The following DST variants were observed in gnomAD, a reference collection of about 807,000 sequenced individuals.
The protein encoded by DST is bullous pemphigoid antigen.
DST carries 253 observed loss-of-function variants against 875.2 expected under a neutral mutation model. The observed-to-expected ratio is 0.29, with a 90% CI of 0.26 to 0.32. DST has a LOEUF of 0.32. Ranked by LOEUF, DST falls within the 10% of genes least tolerant of loss-of-function variation. The pLI is 1.00. For missense variants in DST, 8,287 were observed against 9,111.6 expected (o/e 0.91, Z 3.68); for synonymous variants, 3,124 against 3,197.1 (o/e 0.98, Z 0.77).
At position 56,843,705 on chromosome 6, in the gene DST, AGGAGGGT is replaced by A. The variant is rs1321558478; in HGVS notation, c.625+7685_625+7691del. Reference sequence around the variant, plus strand: ...GCCCGCGCCGGGGAGAGAGGGAGGGAGGAGGGTGGAGGGTGGAGGGTGGAGAGTGGAG... The same window carrying A: ...GCCCGCGCCGGGGAGAGAGGGAGGGAGGAGGGTGGAGGGTGGAGAGTGGAG... On this transcript the variant is annotated intron_variant, in intron 4 of 103. Transcript: ENST00000680361. 2.0e-4 allele frequency: 112 copies of A among 549,936 alleles called. 4 individuals carry two copies. In the East Asian group the frequency reaches 3.2e-3, roughly 16 times the overall value. 34.1% of individuals were successfully genotyped at this position (549,936 alleles called of 1,614,324 possible). A position where few individuals can be genotyped will look rare whatever the true frequency, so the allele number is the denominator to read the frequency against.
At chr6:56,700,308 C>T (rs2152875153) in intron 8 of DST, among the ~76,000 whole-genome samples, 1 of 152,298 alleles carries the variant, frequency 6.6e-6, no homozygotes, top group East Asian at 1.9e-4. Flanking sequence ...TTGGGGACTG[C>T]TGTTCTAGAG....
intron 4 of DST, among the ~76,000 whole-genome samples, chr6:56,829,164 C>G (rs1399573256): frequency 6.6e-6 from 1 of 152,186 alleles, no homozygotes; most frequent in African/African-American, 2.4e-5. Context: ...AACATTTAGG[C>G]CTTTCCTGAA....
intron 5 of DST, among the ~76,000 whole-genome samples, chr6:56,732,321 G>C (rs1253524502): frequency 6.6e-6 from 1 of 151,972 alleles, no homozygotes; most frequent in Non-Finnish European, 1.5e-5. Context: ...ATATCCCCCA[G>C]TTATGGCTTT....
At chr6:56,944,295 T>C (rs974901229) in intron 2 of DST, among the ~76,000 whole-genome samples, 2 of 152,144 alleles carry the variant, frequency 1.3e-5, no homozygotes, top group East Asian at 1.9e-4. Context: ...AGCTTCACTA[T>C]GTGTCAGATT....
chr6:56,614,423 A>G lies in DST; in HGVS notation c.4991T>C (p.Val1664Ala), dbSNP rs1186030535. ...VEKAKELQKW[V>A]SNISKTLKDA... ...TTTCAATGTCTTGCTGATATTTGAT[A>G]CCCATTTTTGCAATTCTTTGGCTTT... The change falls in exon 37 of 104, where the codon GTA (valine) becomes GCA (alanine). Residue 1664 changes from valine to alanine, a missense_variant. Physicochemically the swap from Val to Ala is moderately conservative, Grantham distance 64. Coordinates refer to ENST00000680361, the MANE Select transcript of DST (RefSeq NM_001374736.1). 1.2e-6 allele frequency: 2 copies of G among 1,610,856 alleles called. No individual in the cohort carries two copies. The highest frequency in any genetic ancestry group is 2.7e-5 in the African/African-American group (2 of 74,758).
rs1489696206 is a variant in DST, at chr6:56,498,062, A to AT, written c.19897-10dup. 6.2e-7 allele frequency: 1 copy of AT among 1,608,890 alleles called. No homozygotes were observed. Among genetic ancestry groups the AT allele is most frequent in the East Asian group, 2.2e-5 (1 of 44,830 alleles). On this transcript the variant is annotated splice_polypyrimidine_tract_variant and intron_variant, in intron 80 of 103. Coordinates refer to ENST00000680361, the MANE Select transcript of DST (RefSeq NM_001374736.1). ...ACATCATTTTGGAGCACCTGAAAAT[A>AT]TAAAGATAACACCATGTTTGCTAGT...
intron 5 of DST, among the ~76,000 whole-genome samples, chr6:56,724,969 T>TAC (rs113129301): frequency 0.035 from 5,319 of 151,428 alleles, 258 homozygotes; most frequent in African/African-American, 0.11. Flanking sequence ...CAGGCTGTTT[T>TAC]ACACACACAC....
chr6:56,550,034 ATAAAT>A (rs2097294677), intron 61 of DST, among the ~76,000 whole-genome samples: 1 of 152,192 alleles, frequency 6.6e-6, no homozygotes, highest in African/African-American at 2.4e-5. Context: ...AGGATTAAAG[ATAAAT>A]TAAAATAGTG....
chr6:56,558,291 G>C (rs1313554406), intron 58 of DST, among the ~76,000 whole-genome samples: 1 of 151,992 alleles, frequency 6.6e-6, no homozygotes, highest in Non-Finnish European at 1.5e-5. Flanking sequence ...TATTTTTAGA[G>C]TGCATGTGAT....
At chr6:56,901,079 C>T (rs917235184) in intron 2 of DST, among the ~76,000 whole-genome samples, 2 of 152,076 alleles carry the variant, frequency 1.3e-5, no homozygotes, top group African/African-American at 4.8e-5. Flanking sequence ...GAATGCCAAT[C>T]ATCACTGCAA....
intron 13 of DST, 109 bp downstream of exon 13, chr6:56,648,461 C>A: frequency 7.1e-6 from 8 of 1,119,514 alleles, no homozygotes; most frequent in Non-Finnish European, 6.1e-6. Context: ...TTATTAATGG[C>A]TTTCCAAGGG....
chr6:56,604,930 T>G lies in DST; in HGVS notation c.9698A>C (p.Gln3233Pro), dbSNP rs775060729. ...CATGTCATTAAGAGGTGAGTCTTTT[T>G]GGGTACTAGTGGACTTCTCTTTTGT... is the stretch of plus-strand genomic sequence containing the variant. ...NNTKEKSTSTQKDSPLNDMIQ... is the reference protein window; with the variant it reads ...NNTKEKSTSTPKDSPLNDMIQ... The change falls in exon 40 of 104, where the codon CAA becomes CCA. Residue 3233 changes from glutamine (Q) to proline (P), a missense_variant. Gln to Pro is a moderately conservative substitution (Grantham distance 76, BLOSUM62 -1). This residue lies in a region of DST where 3,138 missense variants were observed against 3,116.6 expected (regional missense o/e 1.01). Coordinates refer to ENST00000680361, the MANE Select transcript of DST (RefSeq NM_001374736.1). The G allele has an allele frequency of 3.7e-6, 6 of 1,612,752 alleles. No individual in the cohort carries two copies. The highest frequency in any genetic ancestry group is 4.5e-5 in the East Asian group (2 of 44,860).
chr6:56,734,641 A>G (rs1305551880), intron 5 of DST, among the ~76,000 whole-genome samples: 6 of 152,200 alleles, frequency 3.9e-5, no homozygotes, highest in Admixed American at 2.0e-4. Flanking sequence ...TTTTGTGTTT[A>G]TCTATTTTCT....
At chr6:56,684,224 T>G (rs1311611782) in intron 9 of DST, among the ~76,000 whole-genome samples, 1 of 152,230 alleles carries the variant, frequency 6.6e-6, no homozygotes, top group African/African-American at 2.4e-5. Flanking sequence ...AAAGTTGACT[T>G]AGATATTCCC....
intron 10 of DST, among the ~76,000 whole-genome samples, chr6:56,663,798 T>G (rs566972768): frequency 3.9e-5 from 6 of 152,118 alleles, no homozygotes; most frequent in Non-Finnish European, 8.8e-5. Context: ...AACTACATAC[T>G]CAGACAAGTG....
At chr6:56,657,746 T>TAGATGCAATTAGATTA (rs1450725217) in intron 10 of DST, among the ~76,000 whole-genome samples, 19 of 152,176 alleles carry the variant, frequency 1.2e-4, no homozygotes, top group African/African-American at 4.6e-4. Flanking sequence ...TTTATGCACC[T>TAGATGCAATTAGATTA]TATCACAATC....
chr6:56,711,739 A>C (rs905337484), intron 5 of DST, among the ~76,000 whole-genome samples: 1 of 152,144 alleles, frequency 6.6e-6, no homozygotes, highest in Non-Finnish European at 1.5e-5. Context: ...AGCATTACCC[A>C]TTCCACATAT....
chr6:56,509,600 T>C, intron 74 of DST, 42 bp downstream of exon 74: 1 of 1,483,742 alleles, frequency 6.7e-7, no homozygotes, highest in African/African-American at 1.4e-5. Context: ...CATAAACATT[T>C]AGAATGCTTT....
At chr6:56,838,343 T>C (rs2099796100) in intron 4 of DST, among the ~76,000 whole-genome samples, 1 of 152,222 alleles carries the variant, frequency 6.6e-6, no homozygotes. Context: ...TGCATGAAGA[T>C]GCTTTGGTCA....
Sources: allele counts gnomAD v4.1 joint callset (sites outside exome capture counted in the v4.1 genomes callset), GRCh38; gene constraint gnomAD v4.1.1; regional missense constraint gnomAD v4.1.1; transcripts MANE v1.5; gene names NCBI Gene and HGNC (gene_info 2026-07-23, HGNC 2026-07-21).